MALRD1: variants seen among roughly 807,000 people sequenced by gnomAD.
MALRD1 encodes MAM and LDL-receptor class A domain-containing protein 1.
MALRD1 carries 247 observed loss-of-function variants against 242.1 expected under a neutral mutation model. That is an observed-to-expected ratio of 1.02 (90% confidence interval 0.92 to 1.13). The LOEUF is 1.13. Among genes scored for constraint, MALRD1 ranks in the 50% most tolerant of loss-of-function variants. MALRD1 has a pLI of 0.00. For synonymous variants in MALRD1, 995 were observed against 866.6 expected, an observed-to-expected ratio of 1.15 and a Z score of -2.60; for missense variants, 2,989 against 2,533.1, an observed-to-expected ratio of 1.18 and a Z score of -3.86.
intron 19 of MALRD1, among the ~76,000 whole-genome samples, chr10:19,259,733 C>G (rs1839665942): frequency 6.6e-6 from 1 of 152,088 alleles, no homozygotes; most frequent in Non-Finnish European, 1.5e-5. Context: ...GTTCCTGGAA[C>G]AGGTTTCCCA....
rs185724009 is a variant in MALRD1, at chr10:19,546,283, T to C, written c.5478+14932T>C. Among the ~76,000 whole-genome samples, 767 of 152,310 alleles carry C rather than the reference T, an allele frequency of 5.0e-3. 6 individuals carry two copies. Among genetic ancestry groups the C allele is most frequent in the Non-Finnish European group, 5.1e-3 (349 of 68,030 alleles). ...CAGCATCTCTGGTTTCATATTTCTT[T>C]GATGTAAAGCACTAGCTGTTTTCTA... is the stretch of plus-strand genomic sequence containing the variant. On this transcript the variant is annotated intron_variant, in intron 32 of 39. Transcript: ENST00000454679.
intron 2 of MALRD1, 108 bp from the exon 3 acceptor site, chr10:19,087,732 G>A: frequency 2.1e-6 from 1 of 467,098 alleles, no homozygotes; most frequent in Non-Finnish European, 3.5e-6. Context: ...ATTTTTGAAT[G>A]TACAGTGAAA....
intron 33 of MALRD1, among the ~76,000 whole-genome samples, chr10:19,587,905 C>T (rs998729699): frequency 1.0e-5 from 1 of 98,588 alleles, no homozygotes; most frequent in Non-Finnish European, 2.3e-5. Context: ...ATTCCTTATC[C>T]TAGGTGTTTT....
In MALRD1 at chr10:19,718,119, AGAAGAAGAG is replaced by A. The variant is rs1309723347; in HGVS notation, c.6315-12572_6315-12564del. On this transcript the variant is annotated intron_variant, in intron 38 of 39. Coordinates refer to ENST00000454679, the MANE Select transcript of MALRD1 (RefSeq NM_001142308.3). ...AAGAAGAGGAAGAGGAAGAAGAAGA[AGAAGAAGAG>A]GAAGAAGAGGAAGAGGAAGAAGAGG... is the stretch of plus-strand genomic sequence containing the variant. Among the ~76,000 whole-genome samples the A allele has an allele frequency of 1.2e-3, 173 of 145,840 alleles. 2 individuals carry two copies. The East Asian group carries it at 0.02, about 17-fold the overall frequency.
At chr10:19,099,711 T>C (rs1836177760) in intron 4 of MALRD1, among the ~76,000 whole-genome samples, 1 of 151,786 alleles carries the variant, frequency 6.6e-6, no homozygotes, top group African/African-American at 2.4e-5. Flanking sequence ...AAAACTACCA[T>C]ACACCAACAC....
chr10:19,310,361 T>C (rs2516324), intron 21 of MALRD1, among the ~76,000 whole-genome samples: 32,431 of 151,240 alleles, frequency 0.21, 3,893 homozygotes, highest in South Asian at 0.34. Context: ...ATTGAAGGGA[T>C]AACTATATTT....
intron 28 of MALRD1, among the ~76,000 whole-genome samples, chr10:19,440,800 A>G (rs537417093): frequency 6.6e-6 from 1 of 152,158 alleles, no homozygotes; most frequent in Non-Finnish European, 1.5e-5. Flanking sequence ...GCCGCAATAA[A>G]CATACGTGTG....
chr10:19,683,930 T>C (rs967716845), intron 36 of MALRD1, among the ~76,000 whole-genome samples: 1 of 152,056 alleles, frequency 6.6e-6, no homozygotes, highest in Non-Finnish European at 1.5e-5. Context: ...CCTCCCCTTG[T>C]CCCTCACCCC....
chr10:19,345,065 G>A (rs1844049976), intron 24 of MALRD1, among the ~76,000 whole-genome samples: 1 of 152,060 alleles, frequency 6.6e-6, no homozygotes, highest in East Asian at 1.9e-4. Context: ...GAAATAATAG[G>A]ATATGAAATT....
intron 24 of MALRD1, among the ~76,000 whole-genome samples, chr10:19,338,312 C>G (rs1489086201): frequency 6.6e-6 from 1 of 151,910 alleles, no homozygotes; most frequent in Non-Finnish European, 1.5e-5. Context: ...TAAAAATCCT[C>G]TATGCTCCGC....
At chr10:19,533,202 G>C (rs1225505758) in intron 32 of MALRD1, among the ~76,000 whole-genome samples, 1 of 152,212 alleles carries the variant, frequency 6.6e-6, no homozygotes, top group Non-Finnish European at 1.5e-5. Flanking sequence ...ACCCAGTTAA[G>C]TGGCCCTCTG....
intron 31 of MALRD1, among the ~76,000 whole-genome samples, chr10:19,509,579 C>T (rs1471023911): frequency 6.6e-6 from 1 of 152,106 alleles, no homozygotes; most frequent in East Asian, 1.9e-4. Context: ...TAAGGTTTGT[C>T]ACCATCATAG....
intron 18 of MALRD1, among the ~76,000 whole-genome samples, chr10:19,237,589 T>C (rs1342970104): frequency 1.1e-4 from 1 of 9,184 alleles, no homozygotes; most frequent in African/African-American, 9.8e-4. Context: ...TATAATTATA[T>C]AATTATATAA....
intron 1 of MALRD1, among the ~76,000 whole-genome samples, chr10:19,050,249 G>A (rs1273726098): frequency 1.3e-5 from 2 of 150,330 alleles, no homozygotes; most frequent in Non-Finnish European, 3.0e-5. Context: ...CACTACGCCC[G>A]GCTAATTTTT....
At chr10:19,158,226 T>A (rs1344910392) in intron 12 of MALRD1, among the ~76,000 whole-genome samples, 1 of 152,252 alleles carries the variant, frequency 6.6e-6, no homozygotes, top group Admixed American at 6.5e-5. Flanking sequence ...TAACACAATC[T>A]CTTACTTTTA....
At chr10:19,362,967 A>C (rs1404852031) in intron 26 of MALRD1, among the ~76,000 whole-genome samples, 1 of 152,106 alleles carries the variant, frequency 6.6e-6, no homozygotes, top group Non-Finnish European at 1.5e-5. Flanking sequence ...AGGCCCTTGA[A>C]GGATGAATTT....
At chr10:19,373,223 A>AG (rs1455593160) in intron 26 of MALRD1, among the ~76,000 whole-genome samples, 1 of 135,824 alleles carries the variant, frequency 7.4e-6, no homozygotes, top group Non-Finnish European at 1.6e-5. Flanking sequence ...AAAAAAAATA[A>AG]GGGGCCGGGC....
chr10:19,698,438 G>A (rs1009351820), intron 38 of MALRD1, among the ~76,000 whole-genome samples: 2 of 152,178 alleles, frequency 1.3e-5, no homozygotes, highest in Non-Finnish European at 2.9e-5. Context: ...AAGGGAAGCA[G>A]AACCATCTCT....
chr10:19,346,975 A>G (rs146720206), intron 24 of MALRD1, among the ~76,000 whole-genome samples: 1,898 of 152,278 alleles, frequency 0.012, 25 homozygotes, highest in Middle Eastern at 0.024. Context: ...ATGCAGAATC[A>G]TGAATATTGA....
Sources: gnomAD v4.1 joint callset for allele counts (sites outside exome capture counted in the v4.1 genomes callset) on GRCh38, gnomAD v4.1.1 for gene constraint, MANE v1.5 for transcripts, NCBI Gene and HGNC (gene_info 2026-07-23, HGNC 2026-07-21) for gene names.